BBX: variants seen among roughly 807,000 people sequenced by gnomAD.
BBX encodes the protein BBX high mobility group box domain containing.
Under a neutral mutation model 100.2 loss-of-function variants are expected in BBX, and 30 were observed. That is an observed-to-expected ratio of 0.30 (90% CI 0.22 to 0.41). The LOEUF is 0.41. Among genes scored for constraint, BBX ranks in the 10% least tolerant of loss-of-function variants. The probability of loss-of-function intolerance (pLI) is 1.00; values close to 1 mark genes in which losing one functional copy is unlikely to be tolerated. For synonymous variants in BBX, 376 were observed against 388.1 expected (o/e 0.97, Z 0.37); for missense variants, 1,023 against 1,129.8 (o/e 0.91, Z 1.35).
At chr3:107,755,751 C>T in intron 10 of BBX, 73 bp downstream of exon 10, 2 of 1,236,560 alleles carry the variant, frequency 1.6e-6, no homozygotes, top group Admixed American at 3.4e-5. Flanking sequence ...CAGTGTTTCC[C>T]TAAACTGTAC....
At chr3:107,658,659 A>G (rs1000864885) in intron 3 of BBX, among the ~76,000 whole-genome samples, 9 of 152,102 alleles carry the variant, frequency 5.9e-5, no homozygotes, top group African/African-American at 2.2e-4. Flanking sequence ...CCTAGGTAGT[A>G]ATGATGATTA....
chr3:107,597,901 G>T (rs2053774631), intron 2 of BBX, among the ~76,000 whole-genome samples: 1 of 152,072 alleles, frequency 6.6e-6, no homozygotes, highest in African/African-American at 2.4e-5. Context: ...CCCAGAGTGA[G>T]AAACTGATGA....
intron 10 of BBX, among the ~76,000 whole-genome samples, chr3:107,761,463 A>C (rs1288848171): frequency 3.3e-5 from 5 of 152,178 alleles, no homozygotes; most frequent in Non-Finnish European, 7.3e-5. Flanking sequence ...TGAGAAGATA[A>C]GAACTGGAAT....
chr3:107,628,704 A>G (rs1198197477), intron 2 of BBX, among the ~76,000 whole-genome samples: 1 of 152,170 alleles, frequency 6.6e-6, no homozygotes, highest in East Asian at 1.9e-4. Flanking sequence ...ATAGTTGGTT[A>G]TCACTGATTT....
Position 107,733,029 on chromosome 3 carries a change from C to A in BBX, c.669+6C>A. 1.2e-6 allele frequency: 2 copies of A among 1,611,818 alleles called. No individual in the cohort carries two copies. Among genetic ancestry groups the A allele is most frequent in the Non-Finnish European group, 1.7e-6 (2 of 1,178,738 alleles). On this transcript the variant is annotated splice_donor_region_variant and intron_variant, in intron 7 of 17. Transcript: ENST00000325805. ...ATGCTCTTGGCACACCAGAGGTAAG[C>A]CAGTCCTTTTCCGTCTCCACTCTGC...
intron 3 of BBX, among the ~76,000 whole-genome samples, chr3:107,709,863 C>T (rs2061610114): frequency 6.6e-6 from 1 of 152,238 alleles, no homozygotes; most frequent in African/African-American, 2.4e-5. Context: ...TTGGCCATTG[C>T]TTGGCCATTT....
intron 3 of BBX, among the ~76,000 whole-genome samples, chr3:107,663,883 G>A (rs771997661): frequency 6.7e-6 from 1 of 149,740 alleles, no homozygotes; most frequent in Non-Finnish European, 1.5e-5. Flanking sequence ...TCGGCTCACT[G>A]CAAGCTCTGC....
chr3:107,716,942 C>G (rs1053398161), intron 5 of BBX, 93 bp downstream of exon 5: 1 of 1,430,298 alleles, frequency 7.0e-7, no homozygotes, highest in Non-Finnish European at 9.6e-7. Context: ...GAAGGTCTAG[C>G]AATGAGAAGG....
At chr3:107,575,773 A>T (rs1356913873) in intron 2 of BBX, among the ~76,000 whole-genome samples, 1 of 152,224 alleles carries the variant, frequency 6.6e-6, no homozygotes, top group Non-Finnish European at 1.5e-5. Context: ...GTATCTCAAA[A>T]GTTTTAGTAA....
At chr3:107,718,831 G>A (rs1307520792) in intron 5 of BBX, among the ~76,000 whole-genome samples, 3 of 152,076 alleles carry the variant, frequency 2.0e-5, no homozygotes, top group Non-Finnish European at 1.5e-5. Flanking sequence ...ATAACTGGAT[G>A]TTCCACGTTA....
intron 3 of BBX, among the ~76,000 whole-genome samples, chr3:107,697,592 C>G (rs2108150174): frequency 6.6e-6 from 1 of 152,028 alleles, no homozygotes; most frequent in Admixed American, 6.5e-5. Flanking sequence ...AACCGCTGCT[C>G]TCTTCAAAGC....
At chr3:107,528,623 A>G (rs932087628) in intron 2 of BBX, among the ~76,000 whole-genome samples, 7 of 152,240 alleles carry the variant, frequency 4.6e-5, no homozygotes, top group Admixed American at 1.3e-4. Context: ...TACTTAATCC[A>G]TTAAAACAGA....
chr3:107,526,603 TC>T (rs1466155050), intron 2 of BBX: 1 of 370,394 alleles, frequency 2.7e-6, no homozygotes. Context: ...TAGTAAATAT[TC>T]ATTTTGTGTT....
At chr3:107,701,495 A>T (rs1396758622) in intron 3 of BBX, among the ~76,000 whole-genome samples, 4 of 152,236 alleles carry the variant, frequency 2.6e-5, no homozygotes, top group Non-Finnish European at 4.4e-5. Context: ...ATTTGTGATG[A>T]TGAAGCAATA....
At chr3:107,577,519 A>G (rs2051883389) in intron 2 of BBX, among the ~76,000 whole-genome samples, 1 of 152,164 alleles carries the variant, frequency 6.6e-6, no homozygotes, top group South Asian at 2.1e-4. Flanking sequence ...AACTTTCTAA[A>G]TCTCAGTATC....
intron 2 of BBX, among the ~76,000 whole-genome samples, chr3:107,631,154 A>G (rs924528122): frequency 6.6e-6 from 1 of 152,142 alleles, no homozygotes; most frequent in Non-Finnish European, 1.5e-5. Flanking sequence ...CATCCTAATC[A>G]CCTGGACAGG....
At position 107,698,601 on chromosome 3, in the gene BBX, G is replaced by A. The variant is rs930567933; in HGVS notation, c.-9-11851G>A. Among the ~76,000 whole-genome samples, 3 of 150,428 alleles carry A rather than the reference G, an allele frequency of 2.0e-5. No homozygotes were observed. The East Asian group carries it at 5.9e-4, about 29-fold the overall frequency. On this transcript the variant is annotated intron_variant, in intron 3 of 17. Coordinates refer to ENST00000325805, the MANE Select transcript of BBX (RefSeq NM_001142568.3). ...TGGCAGGTGGAGGTTGCAGTGAGCC[G>A]AGATTGTGCCACTGCACTCCAGCCT...
intron 10 of BBX, among the ~76,000 whole-genome samples, chr3:107,763,271 C>G (rs2066054477): frequency 6.7e-6 from 1 of 148,920 alleles, no homozygotes; most frequent in Non-Finnish European, 1.5e-5. Flanking sequence ...GTTGCCCAGG[C>G]TGGAGTGCGG....
At chr3:107,632,086 G>C (rs1385276007) in intron 2 of BBX, among the ~76,000 whole-genome samples, 1 of 151,838 alleles carries the variant, frequency 6.6e-6, no homozygotes, top group Non-Finnish European at 1.5e-5. Flanking sequence ...TTTTGTTGTT[G>C]TTGTTGTTGA....
Sources: gnomAD v4.1 joint callset for allele counts (sites outside exome capture counted in the v4.1 genomes callset) on GRCh38, gnomAD v4.1.1 for gene constraint, MANE v1.5 for transcripts, NCBI Gene and HGNC (gene_info 2026-07-23, HGNC 2026-07-21) for gene names.